The following TSPAN18 variants were observed in gnomAD, a reference collection of about 807,000 sequenced individuals.
The protein encoded by TSPAN18 is tetraspanin 18.
Under a neutral mutation model 27.3 loss-of-function variants are expected in TSPAN18, and 14 were observed. That is an observed-to-expected ratio of 0.51 (90% CI 0.34 to 0.80). The LOEUF (loss-of-function observed/expected upper bound fraction) is 0.80. Among genes scored for constraint, TSPAN18 ranks in the 30% least tolerant of loss-of-function variants. TSPAN18 has a pLI of 0.01. For missense variants in TSPAN18, 268 were observed against 323.9 expected (o/e 0.83, Z 1.32); for synonymous variants, 143 against 136.5 (o/e 1.05, Z -0.33).
chr11:44,882,587 GACACACACAC>G (rs748475836), intron 3 of TSPAN18, among the ~76,000 whole-genome samples: 5 of 130,768 alleles, frequency 3.8e-5, no homozygotes, highest in African/African-American at 6.0e-5. Context: ...CAGAGAGAGA[GACACACACAC>G]ACACACACAC....
At chr11:44,842,298 T>C (rs1361920641) in intron 2 of TSPAN18, among the ~76,000 whole-genome samples, 1 of 152,178 alleles carries the variant, frequency 6.6e-6, no homozygotes, top group East Asian at 1.9e-4. Context: ...GAAACACACA[T>C]GGACCAAGTG....
chr11:44,856,252 T>C (rs1320067867), intron 2 of TSPAN18, among the ~76,000 whole-genome samples: 2 of 152,170 alleles, frequency 1.3e-5, no homozygotes, highest in Non-Finnish European at 2.9e-5. Context: ...CCATTGCCTG[T>C]GGATAAATTT....
intron 2 of TSPAN18, among the ~76,000 whole-genome samples, chr11:44,803,933 C>A (rs917386006): frequency 6.6e-6 from 1 of 152,192 alleles, no homozygotes; most frequent in East Asian, 1.9e-4. Flanking sequence ...GCAGTATTCT[C>A]TCAGCACTTG....
At chr11:44,825,572 G>T (rs919118703) in intron 2 of TSPAN18, among the ~76,000 whole-genome samples, 1 of 152,138 alleles carries the variant, frequency 6.6e-6, no homozygotes, top group Non-Finnish European at 1.5e-5. Flanking sequence ...CTGACTTGAT[G>T]CATCCCAGCG....
chr11:44,889,021 C>T (rs1483543745), intron 3 of TSPAN18, among the ~76,000 whole-genome samples: 1 of 152,216 alleles, frequency 6.6e-6, no homozygotes, highest in East Asian at 1.9e-4. Flanking sequence ...TTCCTGTGCT[C>T]ACACTCGCCT....
chr11:44,816,189 T>C (rs1281451939), intron 2 of TSPAN18, among the ~76,000 whole-genome samples: 1 of 152,184 alleles, frequency 6.6e-6, no homozygotes, highest in Non-Finnish European at 1.5e-5. Flanking sequence ...GCCAAGGCAC[T>C]GGACTGAAAA....
intron 2 of TSPAN18, among the ~76,000 whole-genome samples, chr11:44,847,544 C>T (rs551938053): frequency 2.6e-5 from 4 of 152,348 alleles, no homozygotes; most frequent in African/African-American, 9.6e-5. Flanking sequence ...CTTATCCATT[C>T]ATCTGTTGAT....
chr11:44,862,106 C>T (rs575082670), intron 3 of TSPAN18, among the ~76,000 whole-genome samples: 1 of 152,060 alleles, frequency 6.6e-6, no homozygotes, highest in Non-Finnish European at 1.5e-5. Flanking sequence ...GAAGACCAAC[C>T]GCAGCCTTGC....
At chr11:44,861,889 G>T (rs1857899978) in intron 3 of TSPAN18, among the ~76,000 whole-genome samples, 1 of 151,320 alleles carries the variant, frequency 6.6e-6, no homozygotes, top group Non-Finnish European at 1.5e-5. Context: ...CAAAAAGATT[G>T]TTCCAGAAGG....
In TSPAN18 at chr11:44,929,583, A is replaced by C; in HGVS notation, c.*405A>C. 5.2e-6 allele frequency: 1 copy of C among 192,542 alleles called. No homozygotes were observed. Among genetic ancestry groups the C allele is most frequent in the Non-Finnish European group, 1.1e-5 (1 of 94,050 alleles). 11.9% of individuals were successfully genotyped at this position (192,542 alleles called of 1,614,324 possible). A position where few individuals can be genotyped will look rare whatever the true frequency, so the allele number is the denominator to read the frequency against. On this transcript the variant is annotated 3_prime_UTR_variant, in exon 10 of 10. Coordinates refer to ENST00000520358, the MANE Select transcript of TSPAN18 (RefSeq NM_130783.5). ...CAACAAGGAGGCAAAAGCAAATCTC[A>C]GAGAAGTCATCAAAGCCCAGGGGCT...
intron 2 of TSPAN18, among the ~76,000 whole-genome samples, chr11:44,825,386 C>G (rs1179732729): frequency 6.6e-6 from 1 of 152,188 alleles, no homozygotes; most frequent in African/African-American, 2.4e-5. Flanking sequence ...GTAAATGGCT[C>G]AGTTCACATT....
chr11:44,842,596 G>T (rs74821841), intron 2 of TSPAN18, among the ~76,000 whole-genome samples: 1,973 of 152,152 alleles, frequency 0.013, 23 homozygotes, highest in African/African-American at 0.023. Context: ...GCAAGCCAGG[G>T]GCAGTGAAAG....
chr11:44,815,243 G>T (rs1856797418), intron 2 of TSPAN18, among the ~76,000 whole-genome samples: 1 of 152,248 alleles, frequency 6.6e-6, no homozygotes, highest in Non-Finnish European at 1.5e-5. Flanking sequence ...TCCAGGCACA[G>T]ACTAGAGTGA....
At chr11:44,859,982 A>T (rs928711263) in intron 2 of TSPAN18, among the ~76,000 whole-genome samples, 3 of 152,206 alleles carry the variant, frequency 2.0e-5, no homozygotes, top group African/African-American at 7.2e-5. Flanking sequence ...TTGCACTCAG[A>T]CACACAAATT....
At chr11:44,861,426 C>T (rs1857880469) in intron 3 of TSPAN18, among the ~76,000 whole-genome samples, 1 of 71,726 alleles carries the variant, frequency 1.4e-5, no homozygotes, top group Non-Finnish European at 2.7e-5. Flanking sequence ...GGGAGGTGGT[C>T]GGGGCTGTGG....
At chr11:44,926,342 T>C (rs1860353219) in intron 8 of TSPAN18, 1 of 254,240 alleles carries the variant, frequency 3.9e-6, no homozygotes, top group Non-Finnish European at 7.6e-6. Context: ...TTCTTCTGAT[T>C]TCTCCAGAGC....
intron 2 of TSPAN18, among the ~76,000 whole-genome samples, chr11:44,775,900 T>TGGTTAAATGGATTTTCTGTTTAACTGAG (rs2134932271): frequency 6.6e-6 from 1 of 152,366 alleles, no homozygotes; most frequent in African/African-American, 2.4e-5. Context: ...TGTTGCCTTG[T>TGGTTAAATGGATTTTCTGTTTAACTGAG]GGTTAAATGG....
intron 2 of TSPAN18, among the ~76,000 whole-genome samples, chr11:44,802,988 C>A (rs900103779): frequency 6.6e-6 from 1 of 152,052 alleles, no homozygotes; most frequent in Non-Finnish European, 1.5e-5. Flanking sequence ...AGGCATGGGG[C>A]ACAAGTGAGT....
At chr11:44,761,388 G>T (rs546256579) in intron 1 of TSPAN18, among the ~76,000 whole-genome samples, 1 of 152,148 alleles carries the variant, frequency 6.6e-6, no homozygotes, top group Admixed American at 6.5e-5. Context: ...CCCCTCCCCC[G>T]CAGAGAGGAG....
Sources: allele counts gnomAD v4.1 joint callset (sites outside exome capture counted in the v4.1 genomes callset), GRCh38; gene constraint gnomAD v4.1.1; transcripts MANE v1.5; gene names NCBI Gene and HGNC (gene_info 2026-07-23, HGNC 2026-07-21).